JAK2: variants seen among roughly 807,000 people sequenced by gnomAD.
JAK2 encodes Janus kinase 2.
A neutral mutation model predicts 139.3 loss-of-function variants in JAK2; 86 were observed. The ratio of observed to expected loss-of-function variants is 0.62; its 90% CI spans 0.52 to 0.74. The LOEUF is 0.74. Ranked by LOEUF, JAK2 falls within the 30% of genes least tolerant of loss-of-function variation. JAK2 has a pLI of 0.00. For missense variants in JAK2, 1,421 were observed against 1,360.3 expected, an observed-to-expected ratio of 1.04 and a Z score of -0.70; for synonymous variants, 490 against 437.7, an observed-to-expected ratio of 1.12 and a Z score of -1.49.
chr9:5,097,101 C>G (rs1019474260), intron 22 of JAK2: 3 of 152,088 alleles, frequency 2.0e-5, no homozygotes, highest in African/African-American at 7.2e-5. Flanking sequence ...TGGGTCTTAC[C>G]ATCTTCTCAC....
intron 22 of JAK2, among the ~76,000 whole-genome samples, chr9:5,115,313 CTCA>C (rs1314434725): frequency 2.0e-5 from 3 of 152,122 alleles, no homozygotes; most frequent in East Asian, 3.8e-4. Context: ...TGAAAAAAAG[CTCA>C]TCATCACTGG....
chr9:5,113,982 TGGCTGGAG>T (rs1822898675), intron 22 of JAK2: 1 of 270,760 alleles, frequency 3.7e-6, no homozygotes, highest in South Asian at 4.2e-5. Context: ...CAGCATCACC[TGGCTGGAG>T]GATGGGCAGG....
At chr9:5,106,655 G>C (rs1482250677) in intron 22 of JAK2, among the ~76,000 whole-genome samples, 2 of 152,160 alleles carry the variant, frequency 1.3e-5, no homozygotes, top group Non-Finnish European at 1.5e-5. Context: ...CAACCCAAAT[G>C]CCCATCAATG....
At chr9:5,060,251 T>G (rs574825097) in intron 8 of JAK2, among the ~76,000 whole-genome samples, 26 of 152,332 alleles carry the variant, frequency 1.7e-4, no homozygotes, top group African/African-American at 6.0e-4. Context: ...CCGATCAGTG[T>G]GGTGGCTGCT....
At chr9:5,055,905 A>G in intron 8 of JAK2, 117 bp downstream of exon 8, 5 of 899,618 alleles carry the variant, frequency 5.6e-6, no homozygotes, top group Non-Finnish European at 6.6e-6. Flanking sequence ...AGTTTTAAAT[A>G]TAACTCTAAA....
chr9:5,015,647 C>A (rs1220616442), intron 2 of JAK2, among the ~76,000 whole-genome samples: 2 of 151,404 alleles, frequency 1.3e-5, no homozygotes. Context: ...CTCAAGTGAT[C>A]CTATTGTTTT....
intron 9 of JAK2, among the ~76,000 whole-genome samples, chr9:5,066,247 G>C (rs544500639): frequency 6.6e-6 from 1 of 151,944 alleles, no homozygotes; most frequent in African/African-American, 2.4e-5. Flanking sequence ...CTTTGTTATC[G>C]TACTGAATAA....
intron 6 of JAK2, among the ~76,000 whole-genome samples, chr9:5,052,211 A>C (rs575008874): frequency 6.6e-6 from 1 of 152,264 alleles, no homozygotes; most frequent in Non-Finnish European, 1.5e-5. Flanking sequence ...CCATGCTGTC[A>C]TCCAAAGTCT....
chr9:5,069,644 A>T (rs1243108998), intron 11 of JAK2, among the ~76,000 whole-genome samples: 1 of 152,176 alleles, frequency 6.6e-6, no homozygotes, highest in African/African-American at 2.4e-5. Context: ...TAAGGAAGTT[A>T]CTATAATTTT....
intron 12 of JAK2, among the ~76,000 whole-genome samples, chr9:5,072,102 T>C (rs909028986): frequency 2.0e-5 from 3 of 152,170 alleles, no homozygotes; most frequent in Non-Finnish European, 4.4e-5. Flanking sequence ...ATACAAGTGG[T>C]AATAAGAGAA....
intron 22 of JAK2, chr9:5,099,800 C>G (rs932451010): frequency 2.0e-5 from 3 of 152,188 alleles, no homozygotes; most frequent in African/African-American, 7.2e-5. Context: ...ACTGCCTCAA[C>G]CAACCTCCTT....
chr9:5,082,029 T>C (rs960685497), intron 19 of JAK2, among the ~76,000 whole-genome samples, 168 bp downstream of exon 19: 16 of 152,246 alleles, frequency 1.1e-4, no homozygotes, highest in Non-Finnish European at 2.2e-4. Context: ...CAGCTATCTT[T>C]ACTGAATGAA....
chr9:5,002,989 G>A (rs1355446741), intron 2 of JAK2, among the ~76,000 whole-genome samples: 1 of 151,938 alleles, frequency 6.6e-6, no homozygotes, highest in African/African-American at 2.4e-5. Context: ...GTTTTGAAAT[G>A]ACCAATATTT....
At chr9:5,027,363 A>G (rs1240601985) in intron 3 of JAK2, among the ~76,000 whole-genome samples, 1 of 152,236 alleles carries the variant, frequency 6.6e-6, no homozygotes, top group Non-Finnish European at 1.5e-5. Context: ...ATTATGTCCA[A>G]AAAAGTACAT....
At chr9:5,044,279 C>T (rs1816835912) in intron 4 of JAK2, 124 bp from the exon 5 acceptor site, 2 of 656,282 alleles carry the variant, frequency 3.0e-6, no homozygotes, top group African/African-American at 1.9e-5. Flanking sequence ...ATATTTAATA[C>T]TGTTAGCTGT....
intron 22 of JAK2, among the ~76,000 whole-genome samples, chr9:5,105,597 G>T (rs901975105): frequency 2.6e-5 from 4 of 152,100 alleles, no homozygotes; most frequent in African/African-American, 4.8e-5. Flanking sequence ...AAAAGAGCCT[G>T]CATTGCCAAG....
At chr9:5,048,350 C>G (rs1817174341) in intron 5 of JAK2, among the ~76,000 whole-genome samples, 1 of 151,972 alleles carries the variant, frequency 6.6e-6, no homozygotes, top group African/African-American at 2.4e-5. Flanking sequence ...ACTATGTTGG[C>G]CAGGCTGGTC....
At chr9:5,094,652 C>T (rs1820842999) in intron 22 of JAK2, 1 of 152,170 alleles carries the variant, frequency 6.6e-6, no homozygotes, top group Non-Finnish European at 1.5e-5. Context: ...CAAAAACTAA[C>T]CGAGCCCCTT....
chr9:5,059,411 G>C (rs1254926107), intron 8 of JAK2, among the ~76,000 whole-genome samples: 1 of 152,076 alleles, frequency 6.6e-6, no homozygotes, highest in Admixed American at 6.5e-5. Context: ...CCTTTTTATT[G>C]CTGGGTAGTA....
Sources: allele counts gnomAD v4.1 joint callset (sites outside exome capture counted in the v4.1 genomes callset), GRCh38; gene constraint gnomAD v4.1.1; transcripts MANE v1.5; gene names NCBI Gene and HGNC (gene_info 2026-07-23, HGNC 2026-07-21).